Variants in MEGF6 observed in about 807,000 individuals in gnomAD.
MEGF6 encodes the protein multiple epidermal growth factor-like domains protein 6.
MEGF6 carries 184 observed loss-of-function variants against 207.1 expected under a neutral mutation model. The ratio of observed to expected loss-of-function variants is 0.89; its 90% CI spans 0.79 to 1.00. The LOEUF is 1.00. Ranked by LOEUF, MEGF6 falls within the 50% of genes least tolerant of loss-of-function variation. The pLI is 0.00. For synonymous variants in MEGF6, 1,038 were observed against 910.0 expected (o/e 1.14, Z -2.53); for missense variants, 2,282 against 2,202.9 (o/e 1.04, Z -0.72).
chr1:3,615,021 C>T (rs76595687), upstream of MEGF6, among the ~76,000 whole-genome samples: 1 of 152,224 alleles, frequency 6.6e-6, no homozygotes, highest in African/African-American at 2.4e-5. Context: ...TTATCAGGAG[C>T]TTGTCTAAAC....
intron 5 of MEGF6, among the ~76,000 whole-genome samples, 188 bp downstream of exon 5, chr1:3,523,936 G>A (rs1397082570): frequency 2.4e-4 from 37 of 152,330 alleles, no homozygotes; most frequent in East Asian, 3.9e-4. Context: ...TCCTTTTACC[G>A]GCCTGAGCCT....
intron 14 of MEGF6, among the ~76,000 whole-genome samples, 188 bp from the exon 15 acceptor site, chr1:3,506,424 G>C (rs877510): frequency 0.12 from 18,689 of 152,198 alleles, 1,462 homozygotes; most frequent in East Asian, 0.23. Context: ...TACATCCCCT[G>C]CCCCCAGGGT....
At chr1:3,514,526 C>A in intron 7 of MEGF6, 24 bp downstream of exon 7, 28 of 1,575,834 alleles carry the variant, frequency 1.8e-5, no homozygotes, top group Non-Finnish European at 2.4e-5. Context: ...CTGGGCGGGG[C>A]GGAGCAGGGG....
chr1:3,568,107 G>A (rs938192989), intron 4 of MEGF6, among the ~76,000 whole-genome samples: 6 of 152,154 alleles, frequency 3.9e-5, no homozygotes, highest in African/African-American at 1.2e-4. Flanking sequence ...ATTTGCACCC[G>A]GAGTCTCCAC....
intron 1 of MEGF6, among the ~76,000 whole-genome samples, chr1:3,605,710 TCA>T (rs1456736288): frequency 4.6e-5 from 7 of 152,036 alleles, no homozygotes; most frequent in African/African-American, 1.4e-4. Context: ...AAACTCCCAT[TCA>T]CACACACTCA....
At chr1:3,496,945 G>A (rs540087701) in intron 28 of MEGF6, 43 bp downstream of exon 28, 4 of 1,542,062 alleles carry the variant, frequency 2.6e-6, no homozygotes, top group South Asian at 2.4e-5. Flanking sequence ...CAGCACGCCA[G>A]GCAGCACTGC....
intron 3 of MEGF6, among the ~76,000 whole-genome samples, chr1:3,589,191 G>A (rs139530379): frequency 3.0e-4 from 45 of 152,164 alleles, no homozygotes; most frequent in Middle Eastern, 3.4e-3. Flanking sequence ...GGAACGCCGC[G>A]GAAGCTGGAA....
intron 3 of MEGF6, among the ~76,000 whole-genome samples, chr1:3,591,932 G>GCCC (rs1643986877): frequency 6.6e-6 from 1 of 152,146 alleles, no homozygotes; most frequent in Non-Finnish European, 1.5e-5. Flanking sequence ...GCGACCTGGA[G>GCCC]GGAACTGAGC....
chr1:3,577,915 C>A (rs1246236305), intron 4 of MEGF6, among the ~76,000 whole-genome samples: 1 of 152,256 alleles, frequency 6.6e-6, no homozygotes, highest in Non-Finnish European at 1.5e-5. Context: ...CGAGTTCCCC[C>A]ACAGGGTGTG....
chr1:3,571,157 A>G (rs1643483879), intron 4 of MEGF6, among the ~76,000 whole-genome samples: 1 of 152,022 alleles, frequency 6.6e-6, no homozygotes, highest in Non-Finnish European at 1.5e-5. Context: ...CAAGGAGGGG[A>G]CAGCCATGGC....
rs540992840 is a variant in MEGF6, at chr1:3,565,555, G to A, written c.481+14270C>T. Reference sequence around the variant, plus strand: ...GGCTTGAGAGGAGGACGCTTCGTGCGGGGCTGCCTGGCCTGGCCCTGGACG... The same window carrying A: ...GGCTTGAGAGGAGGACGCTTCGTGCAGGGCTGCCTGGCCTGGCCCTGGACG... On this transcript the variant is annotated intron_variant, in intron 4 of 36. Transcript: ENST00000356575. This position sits in a 1 kb window ranked among gnomAD's most constrained non-coding sequence, Gnocchi z 4.8. Among the ~76,000 whole-genome samples the A allele has an allele frequency of 7.9e-3, 1,198 of 152,280 alleles. 5 individuals carry two copies. The highest frequency in any genetic ancestry group is 0.014 in the Non-Finnish European group (923 of 68,008).
At chr1:3,561,248 G>A (rs1169643956) in intron 4 of MEGF6, among the ~76,000 whole-genome samples, 1 of 152,134 alleles carries the variant, frequency 6.6e-6, no homozygotes, top group African/African-American at 2.4e-5. Flanking sequence ...CAGCTGAGGA[G>A]CAAGGGCTAC....
chr1:3,490,872 C>T (rs1640327660), intron 36 of MEGF6, 40 bp downstream of exon 36: 3 of 1,559,474 alleles, frequency 1.9e-6, no homozygotes, highest in Non-Finnish European at 2.6e-6. Flanking sequence ...CCATAACCCA[C>T]CCTCCTGGCA....
chr1:3,576,127 G>A (rs374169897), intron 4 of MEGF6, among the ~76,000 whole-genome samples: 216 of 152,396 alleles, frequency 1.4e-3, no homozygotes, highest in East Asian at 8.7e-3. Flanking sequence ...TGACTGCGCC[G>A]AGGCCTGCAC....
chr1:3,598,298 G>T (rs900700442), intron 2 of MEGF6, among the ~76,000 whole-genome samples: 1 of 152,204 alleles, frequency 6.6e-6, no homozygotes, highest in Admixed American at 6.5e-5. Context: ...CAACAAACAA[G>T]CGGGGCCAGT....
At chr1:3,540,044 G>T (rs955665811) in intron 4 of MEGF6, among the ~76,000 whole-genome samples, 1 of 152,190 alleles carries the variant, frequency 6.6e-6, no homozygotes. Flanking sequence ...TCTGGAGCAC[G>T]GCCACAGATG....
intron 4 of MEGF6, among the ~76,000 whole-genome samples, chr1:3,537,287 C>G (rs1037798536): frequency 6.6e-6 from 1 of 152,234 alleles, no homozygotes; most frequent in Non-Finnish European, 1.5e-5. Context: ...CAGCACCTGG[C>G]ATGAAACAGG....
chr1:3,590,768 G>A (rs570314351), intron 3 of MEGF6, among the ~76,000 whole-genome samples: 107 of 152,262 alleles, frequency 7.0e-4, no homozygotes, highest in African/African-American at 2.5e-3. Flanking sequence ...GAGAAACAAG[G>A]AAGGGGGCAA....
chr1:3,585,284 C>T (rs1301058391), intron 3 of MEGF6, among the ~76,000 whole-genome samples: 1 of 136,070 alleles, frequency 7.3e-6, no homozygotes, highest in Admixed American at 7.6e-5. Context: ...GGACGCATGT[C>T]CTGTGTGTGG....
Sources: gnomAD v4.1 joint callset for allele counts (sites outside exome capture counted in the v4.1 genomes callset) on GRCh38, gnomAD v4.1.1 for gene constraint, Gnocchi (gnomAD v3.1) non-coding constraint, MANE v1.5 for transcripts, NCBI Gene and HGNC (gene_info 2026-07-23, HGNC 2026-07-21) for gene names.